CAST: variants seen among roughly 807,000 people sequenced by gnomAD.
CAST encodes the protein MIR583 host.
In CAST, 76 loss-of-function variants were observed where a neutral mutation model predicts 119.6. That is an observed-to-expected ratio of 0.64 (90% confidence interval 0.53 to 0.77). CAST has a LOEUF of 0.77. Ranked by LOEUF, CAST falls within the 30% of genes least tolerant of loss-of-function variation. The probability of loss-of-function intolerance (pLI) is 0.00; values close to 1 mark genes in which losing one functional copy is unlikely to be tolerated. For missense variants in CAST, 953 were observed against 946.5 expected (o/e 1.01, Z -0.09); for synonymous variants, 319 against 331.6 (o/e 0.96, Z 0.41).
At chr5:96,255,366 T>C in the CAST span, among the ~76,000 whole-genome samples, 1 of 152,174 alleles carries the variant, frequency 6.6e-6, no homozygotes. Context: ...ATTTTATTTA[T>C]TAAACTTGCT....
chr5:96,171,099 C>A, the CAST span, among the ~76,000 whole-genome samples: 4 of 152,144 alleles, frequency 2.6e-5, no homozygotes, highest in African/African-American at 9.7e-5. Flanking sequence ...GCATTGGGAA[C>A]AGAGACTAGG....
At chr5:96,461,452 T>G in the CAST span, among the ~76,000 whole-genome samples, 7 of 152,140 alleles carry the variant, frequency 4.6e-5, no homozygotes, top group African/African-American at 1.7e-4. Flanking sequence ...CCACAGCAGC[T>G]GCACCATTTT....
chr5:96,152,326 T>G, the CAST span, among the ~76,000 whole-genome samples: 1 of 152,216 alleles, frequency 6.6e-6, no homozygotes, highest in South Asian at 2.1e-4. Flanking sequence ...TGCAGGAATG[T>G]GGACACATCC....
chr5:96,701,792 G>A (rs1328276582), intron 3 of CAST, among the ~76,000 whole-genome samples: 2 of 144,930 alleles, frequency 1.4e-5, no homozygotes, highest in East Asian at 2.0e-4. Flanking sequence ...GCCACATAGC[G>A]AGAATCCCAC....
the CAST span, among the ~76,000 whole-genome samples, chr5:96,082,158 C>T: frequency 9.9e-5 from 15 of 152,246 alleles, no homozygotes; most frequent in South Asian, 2.1e-4. Context: ...ATGATCTGCC[C>T]GCCTTGGCCT....
chr5:96,178,110 A>G, the CAST span, among the ~76,000 whole-genome samples: 1 of 152,360 alleles, frequency 6.6e-6, no homozygotes, highest in Middle Eastern at 3.4e-3. Flanking sequence ...AGGAACTGGA[A>G]ACATTTGTCC....
the CAST span, among the ~76,000 whole-genome samples, chr5:96,502,976 A>C: frequency 4.6e-5 from 7 of 152,108 alleles, no homozygotes; most frequent in Non-Finnish European, 8.8e-5. Flanking sequence ...GTTTAATTGC[A>C]AAGAGGAGGA....
chr5:96,433,346 C>A, the CAST span: 3 of 433,740 alleles, frequency 6.9e-6, no homozygotes, highest in Non-Finnish European at 1.3e-5. Flanking sequence ...GACTAAGATC[C>A]GAATGGTATT....
At chr5:96,400,289 C>T in the CAST span, 1 of 788,692 alleles carries the variant, frequency 1.3e-6, no homozygotes, top group Admixed American at 1.9e-5. Flanking sequence ...TATGAAGTGC[C>T]TTTTGCTATT....
chr5:96,045,248 G>A, the CAST span, among the ~76,000 whole-genome samples: 3 of 152,042 alleles, frequency 2.0e-5, no homozygotes, highest in African/African-American at 7.2e-5. Context: ...AGCTACTCAG[G>A]AGGCTGAGTC....
the CAST span, among the ~76,000 whole-genome samples, chr5:96,038,419 T>G: frequency 6.6e-6 from 1 of 152,094 alleles, no homozygotes; most frequent in East Asian, 1.9e-4. Context: ...ATGTGAAGAA[T>G]GTGCAGTTTT....
At chr5:96,218,036 G>A in the CAST span, among the ~76,000 whole-genome samples, 2 of 152,148 alleles carry the variant, frequency 1.3e-5, no homozygotes, top group Admixed American at 1.3e-4. Context: ...GAAAGTTCTG[G>A]GGGGTGGCCT....
chr5:96,006,075 C>T, the CAST span, among the ~76,000 whole-genome samples: 2 of 152,008 alleles, frequency 1.3e-5, no homozygotes, highest in East Asian at 3.8e-4. Flanking sequence ...TGAGTGAATA[C>T]CTAAGTTTAA....
chr5:96,693,059 T>C (rs867462994), intron 2 of CAST, among the ~76,000 whole-genome samples: 10 of 152,240 alleles, frequency 6.6e-5, no homozygotes, highest in Non-Finnish European at 1.3e-4. Context: ...GGCTTTTGCA[T>C]TGTATTTTCA....
chr5:96,663,032 G>A (rs1748778673), intron 1 of CAST: 1 of 696,048 alleles, frequency 1.4e-6, no homozygotes, highest in African/African-American at 1.8e-5. Flanking sequence ...CTCAGTGCCA[G>A]CCCGGTCCCG....
chr5:96,194,013 A>G, the CAST span, among the ~76,000 whole-genome samples: 5 of 152,180 alleles, frequency 3.3e-5, no homozygotes, highest in African/African-American at 1.2e-4. Context: ...GCTAAGCCTA[A>G]AGCAGAGGAC....
chr5:96,272,888 T>TA, the CAST span, among the ~76,000 whole-genome samples: 5 of 152,014 alleles, frequency 3.3e-5, no homozygotes, highest in African/African-American at 1.2e-4. Flanking sequence ...TATATATCAA[T>TA]AAAAAAATAA....
chr5:96,674,505 C>T (rs1750470237), intron 1 of CAST, among the ~76,000 whole-genome samples: 1 of 151,994 alleles, frequency 6.6e-6, no homozygotes, highest in Non-Finnish European at 1.5e-5. Context: ...CTTTTTTGAA[C>T]ATCCACAGTG....
chr5:96,562,845 G>A (rs985037582), intron 1 of CAST, among the ~76,000 whole-genome samples: 1 of 152,208 alleles, frequency 6.6e-6, no homozygotes, highest in South Asian at 2.1e-4. Flanking sequence ...GTGGAAGGAT[G>A]TCTGACAGGA....
Sources: gnomAD v4.1 joint callset for allele counts (sites outside exome capture counted in the v4.1 genomes callset) on GRCh38, gnomAD v4.1.1 for gene constraint, MANE v1.5 for transcripts, NCBI Gene and HGNC (gene_info 2026-07-23, HGNC 2026-07-21) for gene names.